HERC6: variants seen among roughly 807,000 people sequenced by gnomAD.
The protein encoded by HERC6 is probable E3 ubiquitin-protein ligase HERC6.
HERC6 carries 101 observed loss-of-function variants against 114.5 expected under a neutral mutation model. The ratio of observed to expected loss-of-function variants is 0.88; its 90% CI spans 0.75 to 1.04. HERC6 has a LOEUF of 1.04. Ranked by LOEUF, HERC6 falls within the 50% of genes least tolerant of loss-of-function variation. The pLI is 0.00. For missense variants in HERC6, 1,133 were observed against 1,230.9 expected (o/e 0.92, Z 1.19); for synonymous variants, 408 against 436.2 (o/e 0.94, Z 0.81).
intron 3 of HERC6, among the ~76,000 whole-genome samples, chr4:88,389,289 C>T (rs865938602): frequency 1.3e-5 from 2 of 152,148 alleles, no homozygotes; most frequent in Non-Finnish European, 2.9e-5. Flanking sequence ...GGAGTTGGTC[C>T]GTCATTGAGT....
At chr4:88,398,983 C>A (rs576473277) in intron 8 of HERC6, 1 of 152,172 alleles carries the variant, frequency 6.6e-6, no homozygotes, top group Non-Finnish European at 1.5e-5. Flanking sequence ...CAGTAGCTTA[C>A]ACCATTATCC....
chr4:88,431,462 G>A (rs968151258), intron 17 of HERC6, among the ~76,000 whole-genome samples, 157 bp downstream of exon 17: 2 of 152,072 alleles, frequency 1.3e-5, no homozygotes, highest in African/African-American at 2.4e-5. Context: ...CAGCAGCTAT[G>A]GCGTCACTTG....
Position 88,437,704 on chromosome 4 carries a change from G to A in HERC6, c.2485-7G>A. ...ATATTTGGTACCTGAATACATTTTG[G>A]TTACAGATACACTGGGACCAAAATG... On this transcript the variant is annotated splice_region_variant and splice_polypyrimidine_tract_variant and intron_variant, in intron 19 of 22. Coordinates refer to ENST00000264346, the MANE Select transcript of HERC6 (RefSeq NM_017912.4). The A allele has an allele frequency of 6.3e-7, 1 of 1,585,744 alleles. No homozygotes were observed. The highest frequency in any genetic ancestry group is 8.6e-7 in the Non-Finnish European group (1 of 1,161,492).
At chr4:88,431,527 A>G (rs1339745049) in intron 17 of HERC6, among the ~76,000 whole-genome samples, 1 of 152,148 alleles carries the variant, frequency 6.6e-6, no homozygotes, top group African/African-American at 2.4e-5. Flanking sequence ...ACTGAATCAG[A>G]GCATGTATTT....
chr4:88,442,176 T>C (rs1290057965), intron 22 of HERC6, 58 bp from the exon 23 acceptor site: 27 of 1,250,138 alleles, frequency 2.2e-5, no homozygotes, highest in Non-Finnish European at 3.0e-5. Flanking sequence ...ATTTCTTCCT[T>C]TTCATTATGT....
At chr4:88,390,942 G>A in intron 4 of HERC6, 63 bp downstream of exon 4, 4 of 1,385,302 alleles carry the variant, frequency 2.9e-6, no homozygotes, top group Non-Finnish European at 3.0e-6. Context: ...AGACCAACTT[G>A]GCAAAGGGCA....
chr4:88,428,543 CA>C, intron 15 of HERC6, 36 bp from the exon 16 acceptor site: 2 of 1,514,864 alleles, frequency 1.3e-6, no homozygotes, highest in South Asian at 2.7e-5. Context: ...CCTATGAGGT[CA>C]AAAGGAGAAG....
chr4:88,415,563 A>G (rs1736402504), intron 12 of HERC6, among the ~76,000 whole-genome samples: 1 of 152,226 alleles, frequency 6.6e-6, no homozygotes, highest in Admixed American at 6.5e-5. Context: ...CACTTCATCA[A>G]TGAATATGAG....
intron 3 of HERC6, among the ~76,000 whole-genome samples, chr4:88,386,519 A>T (rs577937782): frequency 6.6e-6 from 1 of 152,160 alleles, no homozygotes; most frequent in Non-Finnish European, 1.5e-5. Context: ...AATTTATATT[A>T]ATATTTTTGT....
Position 88,396,099 on chromosome 4 carries a change from G to A in HERC6, c.844G>A (p.Val282Met). 1 of 1,606,016 alleles carries A rather than the reference G, an allele frequency of 6.2e-7. No homozygotes were observed. Among genetic ancestry groups the A allele is most frequent in the Non-Finnish European group, 8.5e-7 (1 of 1,176,144 alleles). Reference protein sequence around the residue: ...PTPEKRGPQLVERIDGLVSQI... With the variant: ...PTPEKRGPQLMERIDGLVSQI... ...TCCTGAGAAGAGAGGTCCACAACTT[G>A]TGGAAAGAATTGATGGCCTAGTTTC... The change falls in exon 6 of 23, where the codon GTG becomes ATG. Residue 282 changes from valine to methionine, a missense_variant. Physicochemically the swap from Val to Met is conservative, Grantham distance 21. Coordinates refer to ENST00000264346, the MANE Select transcript of HERC6 (RefSeq NM_017912.4).
Position 88,380,347 on chromosome 4 carries a change from A to T in HERC6, c.199+1227A>T, listed in dbSNP as rs376576603. ...ATATATAATATATAAATATATATATAATATAAATATATATATAATATATAA... is the reference window on the plus strand; with the variant it reads ...ATATATAATATATAAATATATATATTATATAAATATATATATAATATATAA... On this transcript the variant is annotated intron_variant, in intron 1 of 22. Transcript: ENST00000264346. 2.5e-3 allele frequency among the ~76,000 whole-genome samples: 20 copies of T among 8,148 alleles called. 1 individual carries two copies. Among genetic ancestry groups the T allele is most frequent in the African/African-American group, 0.014 (17 of 1,192 alleles). 5.3% of individuals were successfully genotyped at this position (8,148 alleles called of 152,430 possible). A position where few individuals can be genotyped will look rare whatever the true frequency, so the allele number is the denominator to read the frequency against.
intron 3 of HERC6, among the ~76,000 whole-genome samples, chr4:88,386,185 A>G (rs1734565841): frequency 6.8e-6 from 1 of 146,772 alleles, no homozygotes. Context: ...CACCCAATTT[A>G]TCTTTTTTCT....
chr4:88,440,793 CCTT>C (rs1560581610), intron 22 of HERC6, among the ~76,000 whole-genome samples: 1 of 152,182 alleles, frequency 6.6e-6, no homozygotes, highest in African/African-American at 2.4e-5. Flanking sequence ...TAGCTTCCAG[CCTT>C]CTTATCTATG....
Position 88,417,452 on chromosome 4 carries a change from C to G in HERC6, c.1586C>G (p.Ser529Cys). ...AAGTGTTGGGCATTTTTGCAAGAAT[C>G]TTCTCTGAATCCGCTGATCCAGATG... ...LKKCWAFLQE[S>C]SLNPLIQMLK... The change falls in exon 13 of 23, where the codon TCT becomes TGT. Residue 529 changes from serine to cysteine, a missense_variant. By Grantham distance (112) the Ser-to-Cys change is moderately radical. Around this residue, in one of 3 missense-constraint regions of HERC6, gnomAD observed 735 missense variants for 754.0 expected, o/e 0.97. Transcript: ENST00000264346. 6.2e-7 allele frequency: 1 copy of G among 1,610,346 alleles called. No homozygotes were observed.
intron 5 of HERC6, among the ~76,000 whole-genome samples, chr4:88,394,948 A>G (rs1209459895): frequency 6.6e-6 from 1 of 152,216 alleles, no homozygotes; most frequent in Non-Finnish European, 1.5e-5. Flanking sequence ...TACAGCCTAG[A>G]ACATTATTTC....
At chr4:88,407,139 G>T (rs762121313) in intron 10 of HERC6, among the ~76,000 whole-genome samples, 1 of 152,072 alleles carries the variant, frequency 6.6e-6, no homozygotes, top group Non-Finnish European at 1.5e-5. Context: ...GCGCTGTGGC[G>T]TGATCTCTGC....
chr4:88,416,521 TTTTA>T (rs1736495539), intron 12 of HERC6, among the ~76,000 whole-genome samples: 1 of 152,066 alleles, frequency 6.6e-6, no homozygotes, highest in Non-Finnish European at 1.5e-5. Context: ...TATATTAATA[TTTTA>T]TTCTATGGTT....
At chr4:88,392,977 T>C (rs917218503) in intron 4 of HERC6, among the ~76,000 whole-genome samples, 1 of 152,248 alleles carries the variant, frequency 6.6e-6, no homozygotes, top group African/African-American at 2.4e-5. Flanking sequence ...TGCTATGGCA[T>C]GCATATCCTG....
intron 17 of HERC6, among the ~76,000 whole-genome samples, chr4:88,433,468 G>C (rs1738440000): frequency 6.6e-6 from 1 of 152,136 alleles, no homozygotes; most frequent in Non-Finnish European, 1.5e-5. Context: ...CTGCCCTCAT[G>C]AATAGATTAA....
Sources: gnomAD v4.1 joint callset for allele counts (sites outside exome capture counted in the v4.1 genomes callset) on GRCh38, gnomAD v4.1.1 for gene constraint, gnomAD v4.1.1 regional missense constraint, MANE v1.5 for transcripts, NCBI Gene and HGNC (gene_info 2026-07-23, HGNC 2026-07-21) for gene names.